STPG2: variants seen among roughly 807,000 people sequenced by gnomAD.
STPG2 encodes the protein sperm-tail PG-rich repeat-containing protein 2.
STPG2 carries 56 observed loss-of-function variants against 54.2 expected under a neutral mutation model. The ratio of observed to expected loss-of-function variants is 1.03; its 90% CI spans 0.83 to 1.29. The LOEUF is 1.29. Among genes scored for constraint, STPG2 ranks in the 50% most tolerant of loss-of-function variants. The pLI is 0.00. For synonymous variants in STPG2, 200 were observed against 181.8 expected, an observed-to-expected ratio of 1.10 and a Z score of -0.81; for missense variants, 596 against 544.9, an observed-to-expected ratio of 1.09 and a Z score of -0.93.
intron 4 of STPG2, among the ~76,000 whole-genome samples, chr4:97,539,432 A>G (rs1460225904): frequency 2.0e-5 from 3 of 152,228 alleles, no homozygotes; most frequent in Non-Finnish European, 4.4e-5. Flanking sequence ...AATAAAGATC[A>G]AAAGAGACAA....
At chr4:97,547,873 G>T (rs115306722) in intron 4 of STPG2, among the ~76,000 whole-genome samples, 2,362 of 152,224 alleles carry the variant, frequency 0.016, 47 homozygotes, top group African/African-American at 0.054. Context: ...AACATGAGCC[G>T]GGCATGGTCG....
intron 10 of STPG2, among the ~76,000 whole-genome samples, chr4:97,618,425 G>A (rs1475166551): frequency 6.6e-6 from 1 of 151,502 alleles, no homozygotes; most frequent in Non-Finnish European, 1.5e-5. Flanking sequence ...AGAATCATGG[G>A]AAATTAAAAA....
At chr4:97,862,410 T>C (rs995606221) in intron 8 of STPG2, among the ~76,000 whole-genome samples, 1 of 152,068 alleles carries the variant, frequency 6.6e-6, no homozygotes, top group Non-Finnish European at 1.5e-5. Flanking sequence ...CTTAAATATA[T>C]ATGCACCCAA....
rs199726856 is a variant in STPG2, at chr4:97,763,081, T to TA, written c.1205-50268dup. Among the ~76,000 whole-genome samples the TA allele has an allele frequency of 3.5e-3, 535 of 152,298 alleles. 4 individuals are homozygous for TA. Among genetic ancestry groups the TA allele is most frequent in the African/African-American group, 0.013 (525 of 41,580 alleles). ...ATTTGTTTTGTATTATAAGTGCTGATACTCTACTATAATTCTCAGTGGGTA... is the reference window on the plus strand; with the variant it reads ...ATTTGTTTTGTATTATAAGTGCTGATAACTCTACTATAATTCTCAGTGGGTA... On this transcript the variant is annotated intron_variant, in intron 9 of 10. Coordinates refer to ENST00000295268, the MANE Select transcript of STPG2 (RefSeq NM_174952.3).
chr4:97,792,296 T>A (rs570815799), intron 9 of STPG2, among the ~76,000 whole-genome samples: 1 of 152,260 alleles, frequency 6.6e-6, no homozygotes, highest in South Asian at 2.1e-4. Context: ...CCTCTTAACG[T>A]TTTTCTCTAT....
At chr4:97,629,296 C>A (rs1721171979) in intron 10 of STPG2, among the ~76,000 whole-genome samples, 1 of 151,836 alleles carries the variant, frequency 6.6e-6, no homozygotes, top group Admixed American at 6.6e-5. Context: ...GTAAAAACTG[C>A]TGAGAAAAAA....
chr4:97,588,880 C>A (rs1733065661), intron 10 of STPG2, among the ~76,000 whole-genome samples: 1 of 152,074 alleles, frequency 6.6e-6, no homozygotes, highest in Non-Finnish European at 1.5e-5. Flanking sequence ...ATTTTCTATG[C>A]TACCTACTCT....
intron 9 of STPG2, among the ~76,000 whole-genome samples, chr4:97,726,997 T>A (rs541270904): frequency 6.6e-6 from 1 of 152,048 alleles, no homozygotes; most frequent in African/African-American, 2.4e-5. Context: ...TAAAACTATA[T>A]GTTCTGTAGA....
chr4:97,563,744 T>C (rs1732332251), intron 10 of STPG2, among the ~76,000 whole-genome samples: 1 of 152,160 alleles, frequency 6.6e-6, no homozygotes, highest in Non-Finnish European at 1.5e-5. Flanking sequence ...TGTAGTTGAG[T>C]GCTTTTGAGT....
At chr4:97,945,482 C>T (rs1239850943) in intron 7 of STPG2, among the ~76,000 whole-genome samples, 1 of 152,054 alleles carries the variant, frequency 6.6e-6, no homozygotes, top group Non-Finnish European at 1.5e-5. Flanking sequence ...AAGATTGGTT[C>T]CTTATCTTTG....
At chr4:97,774,472 G>A (rs529750275) in intron 9 of STPG2, among the ~76,000 whole-genome samples, 1 of 152,220 alleles carries the variant, frequency 6.6e-6, no homozygotes, top group East Asian at 1.9e-4. Flanking sequence ...GTACCATTTT[G>A]TGGCTTGCCT....
At chr4:97,787,030 G>A (rs796210166) in intron 9 of STPG2, among the ~76,000 whole-genome samples, 3 of 152,182 alleles carry the variant, frequency 2.0e-5, no homozygotes, top group African/African-American at 7.2e-5. Flanking sequence ...TGGATTAGAG[G>A]AGACTACTGT....
chr4:97,666,307 A>T (rs1453615033), intron 10 of STPG2, among the ~76,000 whole-genome samples: 1 of 152,128 alleles, frequency 6.6e-6, no homozygotes, highest in Admixed American at 6.5e-5. Flanking sequence ...TCTAGATGGG[A>T]TGCCTACCAC....
intron 8 of STPG2, among the ~76,000 whole-genome samples, chr4:97,843,209 T>C (rs1367492475): frequency 1.3e-5 from 2 of 151,748 alleles, no homozygotes; most frequent in Non-Finnish European, 1.5e-5. Flanking sequence ...ATTGCATGAC[T>C]TTTTTCTCAT....
At chr4:97,966,789 G>A (rs577593822) in intron 7 of STPG2, among the ~76,000 whole-genome samples, 1 of 152,172 alleles carries the variant, frequency 6.6e-6, no homozygotes, top group South Asian at 2.1e-4. Flanking sequence ...AAGTAAAAAA[G>A]AAATAAAATC....
intron 8 of STPG2, among the ~76,000 whole-genome samples, chr4:97,913,015 A>T (rs1275556787): frequency 6.6e-6 from 1 of 152,216 alleles, no homozygotes; most frequent in Non-Finnish European, 1.5e-5. Context: ...TTTTAGCAGA[A>T]CAAATTTACG....
intron 8 of STPG2, 141 bp from the exon 9 acceptor site, chr4:97,841,073 A>C: frequency 2.3e-6 from 2 of 869,280 alleles, no homozygotes; most frequent in Non-Finnish European, 3.3e-6. Context: ...ATAGAAACTT[A>C]AAAAGGAATT....
At chr4:98,135,749 C>A (rs10009206) in intron 1 of STPG2, among the ~76,000 whole-genome samples, 59,909 of 151,474 alleles carry the variant, frequency 0.4, 12,076 homozygotes, top group Middle Eastern at 0.46. Context: ...ACCACAAGAC[C>A]AGAAATCCTT....
At chr4:97,552,920 T>C (rs1731997213) in intron 4 of STPG2, among the ~76,000 whole-genome samples, 1 of 152,192 alleles carries the variant, frequency 6.6e-6, no homozygotes, top group African/African-American at 2.4e-5. Context: ...GATCAAGCCA[T>C]GTTATTTGTT....
Sources: allele counts gnomAD v4.1 joint callset (sites outside exome capture counted in the v4.1 genomes callset), GRCh38; gene constraint gnomAD v4.1.1; transcripts MANE v1.5; gene names NCBI Gene and HGNC (gene_info 2026-07-23, HGNC 2026-07-21).